Variants in MAGOHB observed in about 807,000 individuals in gnomAD.
The protein encoded by MAGOHB is mago homolog B, exon junction complex subunit, also known as protein mago nashi homolog 2.
In MAGOHB, 15 loss-of-function variants were observed where a neutral mutation model predicts 20.9. The ratio of observed to expected loss-of-function variants is 0.72; its 90% CI spans 0.48 to 1.11. The LOEUF (loss-of-function observed/expected upper bound fraction) is 1.11. MAGOHB is among the 50% of genes least tolerant of loss of function. The probability of loss-of-function intolerance (pLI) is 0.00; values close to 1 mark genes in which losing one functional copy is unlikely to be tolerated. For synonymous variants in MAGOHB, 50 were observed against 57.9 expected (o/e 0.86, Z 0.62); for missense variants, 162 against 177.6 (o/e 0.91, Z 0.50).
At chr12:10,599,844 A>G (rs1378233734), downstream of MAGOHB, among the ~76,000 whole-genome samples, 1 of 152,204 alleles carries the variant, frequency 6.6e-6, no homozygotes, top group African/African-American at 2.4e-5. Flanking sequence ...AAAAGATAAA[A>G]TTTTGTACAC....
intron 1 of MAGOHB, among the ~76,000 whole-genome samples, chr12:10,611,036 G>T (rs548130155): frequency 6.6e-6 from 1 of 152,100 alleles, no homozygotes; most frequent in African/African-American, 2.4e-5. Context: ...CTCACCCAGA[G>T]CATTTAATCT....
intron 4 of MAGOHB, 37 bp from the exon 5 acceptor site, chr12:10,606,411 T>A (rs1157262846): frequency 8.5e-7 from 1 of 1,170,166 alleles, no homozygotes; most frequent in Non-Finnish European, 1.2e-6. Context: ...TTTTTCTTCC[T>A]AGGATAAAAC....
chr12:10,612,985 T>G (rs1489134814), intron 1 of MAGOHB: 2 of 1,273,038 alleles, frequency 1.6e-6, no homozygotes, highest in African/African-American at 3.1e-5. Flanking sequence ...CGTCCTATGG[T>G]GAACAATTAC....
downstream of MAGOHB, among the ~76,000 whole-genome samples, chr12:10,601,320 T>A (rs193289542): frequency 6.4e-4 from 98 of 152,254 alleles, 2 homozygotes; most frequent in Admixed American, 5.4e-3. Flanking sequence ...ATGAGGAAAC[T>A]AAAGTGAAGA....
chr12:10,600,156 GTTTTT>G (rs563135807), downstream of MAGOHB, among the ~76,000 whole-genome samples: 1 of 151,148 alleles, frequency 6.6e-6, no homozygotes, highest in Non-Finnish European at 1.5e-5. Flanking sequence ...TATTCTTCCA[GTTTTT>G]TTTCTCTGTA....
chr12:10,609,814 A>ATT lies in MAGOHB; in HGVS notation c.264+16_264+17insAA, dbSNP rs1438821238. 1.4e-6 allele frequency: 2 copies of ATT among 1,462,712 alleles called. No individual in the cohort carries two copies. Among genetic ancestry groups the ATT allele is most frequent in the East Asian group, 4.6e-5 (2 of 43,926 alleles). The allele number at this position is 1,462,712 out of a possible 1,614,324, so 90.6% of individuals were successfully genotyped here. A position where few individuals can be genotyped will look rare whatever the true frequency, so the allele number is the denominator to read the frequency against. ...ATTTTTAATATTTATACACTTAAAG[A>ATT]ATCACTAAATACAAACCTGTCGGCC... is the stretch of plus-strand genomic sequence containing the variant. On this transcript the variant is annotated intron_variant, in intron 3 of 4. Transcript: ENST00000320756.
chr12:10,609,376 C>A, intron 3 of MAGOHB: 1 of 442,032 alleles, frequency 2.3e-6, no homozygotes, highest in Non-Finnish European at 4.5e-6. Flanking sequence ...TGAGAAACAT[C>A]ATTTATTCTG....
At chr12:10,602,371 C>A (rs1002347273), downstream of MAGOHB, among the ~76,000 whole-genome samples, 27 of 152,182 alleles carry the variant, frequency 1.8e-4, no homozygotes, top group African/African-American at 6.5e-4. Flanking sequence ...AAACTGACGA[C>A]GGGAAAGCCA....
chr12:10,612,190 AATAAC>A (rs3059682), intron 1 of MAGOHB, among the ~76,000 whole-genome samples: 42,829 of 141,114 alleles, frequency 0.3, 6,628 homozygotes, highest in Middle Eastern at 0.39. Context: ...CTCTACAAAA[AATAAC>A]ATAACATAAC....
chr12:10,606,769 A>T (rs943007641), intron 4 of MAGOHB, among the ~76,000 whole-genome samples: 1 of 140,136 alleles, frequency 7.1e-6, no homozygotes, highest in Non-Finnish European at 1.5e-5. Flanking sequence ...CCACAGCATT[A>T]AAAAAAAAAA....
At chr12:10,610,027 T>C in intron 2 of MAGOHB, 86 bp from the exon 3 acceptor site, 1 of 681,980 alleles carries the variant, frequency 1.5e-6, no homozygotes, top group Admixed American at 3.2e-5. Context: ...ACCCTGAATA[T>C]CCAAATAGAG....
intron 3 of MAGOHB, 112 bp downstream of exon 3, chr12:10,609,719 T>A (rs1865688527): frequency 1.5e-6 from 1 of 689,544 alleles, no homozygotes; most frequent in South Asian, 1.9e-5. Flanking sequence ...AGGTGCCTAT[T>A]AAATAGAAAG....
intron 3 of MAGOHB, 60 bp from the exon 4 acceptor site, chr12:10,607,996 T>C (rs1039908098): frequency 1.9e-6 from 2 of 1,046,230 alleles, no homozygotes; most frequent in Non-Finnish European, 2.8e-6. Context: ...GGTATCTGTA[T>C]TCTTGCTACA....
At chr12:10,602,126 A>G (rs1865559830), downstream of MAGOHB, among the ~76,000 whole-genome samples, 1 of 152,220 alleles carries the variant, frequency 6.6e-6, no homozygotes. Context: ...GAGAAGGTGA[A>G]TAGTTCTCAG....
At chr12:10,601,432 G>A (rs1180205960), downstream of MAGOHB, among the ~76,000 whole-genome samples, 1 of 152,184 alleles carries the variant, frequency 6.6e-6, no homozygotes, top group Admixed American at 6.5e-5. Context: ...GAATTCAGAA[G>A]GACCCGGGCT....
chr12:10,602,464 A>G (rs1449910522), downstream of MAGOHB, among the ~76,000 whole-genome samples: 1 of 152,220 alleles, frequency 6.6e-6, no homozygotes, highest in East Asian at 1.9e-4. Flanking sequence ...TTAAAGGAAA[A>G]CACAATCAGC....
At chr12:10,609,232 C>G (rs1865681405) in intron 3 of MAGOHB, 1 of 313,206 alleles carries the variant, frequency 3.2e-6, no homozygotes, top group African/African-American at 2.2e-5. Flanking sequence ...CAGGGATATA[C>G]AAAAGTGAAA....
rs1865765708 is a variant in MAGOHB, at chr12:10,612,435, T to TA, written c.94+1003dup. ...ATAATAATAATTGCAGGACTGTAGTTAACGTGAGTTCTGCCTGAAATGCTT... is the reference window on the plus strand; with the variant it reads ...ATAATAATAATTGCAGGACTGTAGTTAAACGTGAGTTCTGCCTGAAATGCTT... On this transcript the variant is annotated intron_variant, in intron 1 of 4. Transcript: ENST00000320756. Among the ~76,000 whole-genome samples, 7 of 152,188 alleles carry TA rather than the reference T, an allele frequency of 4.6e-5. No individual in the cohort carries two copies. The South Asian group carries it at 1.5e-3, about 32-fold the overall frequency.
rs771395166 is a variant in MAGOHB, at chr12:10,604,244, G to A, written c.*2031C>T. On this transcript the variant is annotated 3_prime_UTR_variant, in exon 5 of 5. Transcript: ENST00000320756. ...GAAGGAGGTAAAAGGAACATAACCTGAGCGCAATAAAAATCTAGTTTCATA... is the reference window on the plus strand; with the variant it reads ...GAAGGAGGTAAAAGGAACATAACCTAAGCGCAATAAAAATCTAGTTTCATA... 6.6e-6 allele frequency: 1 copy of A among 152,154 alleles called. No homozygotes were observed. The highest frequency in any genetic ancestry group is 1.5e-5 in the Non-Finnish European group (1 of 68,020). The allele number at this position is 152,154 out of a possible 1,614,324, so 9.4% of individuals were successfully genotyped here.
Sources: allele counts gnomAD v4.1 joint callset (sites outside exome capture counted in the v4.1 genomes callset), GRCh38; gene constraint gnomAD v4.1.1; transcripts MANE v1.5; gene names NCBI Gene and HGNC (gene_info 2026-07-23, HGNC 2026-07-21).